The following ITPR1 variants were observed in gnomAD, a reference collection of about 807,000 sequenced individuals.
ITPR1 encodes the protein inositol 1,4,5-trisphosphate receptor type 1.
In ITPR1, 96 loss-of-function variants were observed where a neutral mutation model predicts 318.4. That is an observed-to-expected ratio of 0.30 (90% CI 0.26 to 0.36). ITPR1 has a LOEUF of 0.36. Among genes scored for constraint, ITPR1 ranks in the 10% least tolerant of loss-of-function variants. The pLI is 1.00. For missense variants in ITPR1, 2,440 were observed against 3,460.2 expected, an observed-to-expected ratio of 0.71 and a Z score of 7.40; for synonymous variants, 1,312 against 1,289.9, an observed-to-expected ratio of 1.02 and a Z score of -0.37.
intron 4 of ITPR1, among the ~76,000 whole-genome samples, chr3:4,552,894 C>G (rs573564159): frequency 6.6e-6 from 1 of 152,150 alleles, no homozygotes; most frequent in South Asian, 2.1e-4. Context: ...GGGTTGTATG[C>G]CAGGAAACAG....
intron 21 of ITPR1, 102 bp downstream of exon 21, chr3:4,673,489 T>G: frequency 8.2e-7 from 1 of 1,220,534 alleles, no homozygotes; most frequent in East Asian, 2.6e-5. Flanking sequence ...AAGTGTTGGT[T>G]TTTTCTTCAA....
At chr3:4,759,174 T>C (rs1259985889) in intron 44 of ITPR1, among the ~76,000 whole-genome samples, 1 of 152,236 alleles carries the variant, frequency 6.6e-6, no homozygotes, top group Non-Finnish European at 1.5e-5. Flanking sequence ...GTGGCTCTTG[T>C]TCCTGAAGCA....
At chr3:4,561,649 G>A (rs1187925877) in intron 4 of ITPR1, among the ~76,000 whole-genome samples, 7 of 152,140 alleles carry the variant, frequency 4.6e-5, no homozygotes, top group East Asian at 1.9e-4. Flanking sequence ...GGTGGATTTC[G>A]GATGGTGTTA....
intron 3 of ITPR1, 138 bp downstream of exon 3, chr3:4,516,721 A>G: frequency 1.5e-6 from 1 of 664,868 alleles, no homozygotes; most frequent in Admixed American, 3.2e-5. Flanking sequence ...CAAACACCAA[A>G]TCTCATGTTA....
rs1454433424 is a variant in ITPR1 at position 4,642,075 on chromosome 3, C to T, written c.367-18C>T. On this transcript the variant is annotated intron_variant, in intron 6 of 61. Transcript: ENST00000649015. ...CAGATTTGCTGACACTCACTTTATT[C>T]TCTTGGTGGGTTTTTAGCTCCTGCA... The T allele has an allele frequency of 2.6e-6, 4 of 1,560,896 alleles. No homozygotes were observed. Among genetic ancestry groups the T allele is most frequent in the Non-Finnish European group, 3.5e-6 (4 of 1,154,278 alleles).
At chr3:4,731,795 C>A (rs1023478393) in intron 42 of ITPR1, among the ~76,000 whole-genome samples, 1 of 152,154 alleles carries the variant, frequency 6.6e-6, no homozygotes, top group Non-Finnish European at 1.5e-5. Flanking sequence ...TCAGTCTGCT[C>A]CCTCCCATCT....
At chr3:4,610,867 C>G (rs1001746594) in intron 4 of ITPR1, among the ~76,000 whole-genome samples, 24 of 137,448 alleles carry the variant, frequency 1.7e-4, no homozygotes, top group African/African-American at 6.4e-4. Context: ...TTCCCTTTCC[C>G]TTTCCTTTCC....
At chr3:4,698,107 C>CA (rs11369024) in intron 34 of ITPR1, among the ~76,000 whole-genome samples, 152,311 of 152,312 alleles carry the variant, frequency 1, 76,155 homozygotes, top group Non-Finnish European at 1. Context: ...TGCCACATAA[C>CA]AAGCATACCA....
intron 10 of ITPR1, among the ~76,000 whole-genome samples, chr3:4,649,862 G>A (rs2093554475): frequency 6.6e-6 from 1 of 152,066 alleles, no homozygotes; most frequent in Admixed American, 6.5e-5. Context: ...GTTTTATAAG[G>A]GCAGTGTTCT....
At chr3:4,522,844 G>A (rs566612397) in intron 4 of ITPR1, among the ~76,000 whole-genome samples, 26 of 152,290 alleles carry the variant, frequency 1.7e-4, no homozygotes, top group South Asian at 1.7e-3. Context: ...TGATACCCTC[G>A]GAACTTAAGA....
At chr3:4,806,967 A>C (rs1028334217) in intron 55 of ITPR1, among the ~76,000 whole-genome samples, 2 of 152,162 alleles carry the variant, frequency 1.3e-5, no homozygotes, top group African/African-American at 4.8e-5. Context: ...GACAGGAAGC[A>C]TAAAACTGAC....
chr3:4,641,507 G>C (rs959579699), intron 6 of ITPR1, among the ~76,000 whole-genome samples: 1 of 152,160 alleles, frequency 6.6e-6, no homozygotes, highest in African/African-American at 2.4e-5. Flanking sequence ...CTCCTGAGTA[G>C]CAGGGACTCC....
intron 48 of ITPR1, 22 bp downstream of exon 48, chr3:4,777,396 A>G: frequency 1.4e-6 from 2 of 1,436,786 alleles, no homozygotes; most frequent in Non-Finnish European, 9.7e-7. Flanking sequence ...TTAAAAGCAG[A>G]AGACAGTCAT....
intron 4 of ITPR1, among the ~76,000 whole-genome samples, chr3:4,585,298 C>G (rs1223584259): frequency 2.6e-5 from 4 of 152,230 alleles, no homozygotes; most frequent in East Asian, 1.9e-4. Flanking sequence ...TTTGATTTAA[C>G]TGCCTTAAGT....
At chr3:4,813,019 A>G (rs1162328798) in intron 56 of ITPR1, 123 bp from the exon 57 acceptor site, 6 of 744,604 alleles carry the variant, frequency 8.1e-6, no homozygotes, top group Admixed American at 4.4e-5. Context: ...TTGAATTTAT[A>G]TGCAAGATTC....
rs34152018 is a variant in ITPR1, at chr3:4,535,442, ATT to A, written c.163+14365_163+14366del. Reference sequence around the variant, plus strand: ...AATTATTTTCTTTTTTTTTTTTTTAATTTTTTTTTTTTTTTTTTGAGACGGAG... The same window carrying A: ...AATTATTTTCTTTTTTTTTTTTTTAATTTTTTTTTTTTTTTTGAGACGGAG... On this transcript the variant is annotated intron_variant, in intron 4 of 61. Transcript: ENST00000649015. Among the ~76,000 whole-genome samples the A allele has an allele frequency of 3.8e-3, 383 of 100,968 alleles. 1 individual carries two copies. The highest frequency in any genetic ancestry group is 0.014 in the African/African-American group (370 of 26,352). The allele number at this position is 100,968 out of a possible 152,430, so 66.2% of individuals were successfully genotyped here. A position where few individuals can be genotyped will look rare whatever the true frequency, so the allele number is the denominator to read the frequency against.
intron 2 of ITPR1, among the ~76,000 whole-genome samples, chr3:4,505,232 G>A (rs555299458): frequency 2.5e-4 from 38 of 152,110 alleles, no homozygotes; most frequent in Non-Finnish European, 4.6e-4. Flanking sequence ...CTCATCTGTC[G>A]CCCAGGCTGG....
intron 44 of ITPR1, among the ~76,000 whole-genome samples, chr3:4,754,117 G>GGAGCATT (rs1010175154): frequency 1.3e-5 from 2 of 151,306 alleles, no homozygotes; most frequent in African/African-American, 4.9e-5. Context: ...TGGGAACCTC[G>GGAGCATT]GAGCATTGAG....
chr3:4,706,402 G>T (rs1200343771), intron 37 of ITPR1, 51 bp downstream of exon 37: 18 of 1,494,514 alleles, frequency 1.2e-5, no homozygotes, highest in Middle Eastern at 1.8e-4. Context: ...TCACGTGATT[G>T]CCACACACAG....
Sources: allele counts gnomAD v4.1 joint callset (sites outside exome capture counted in the v4.1 genomes callset), GRCh38; gene constraint gnomAD v4.1.1; transcripts MANE v1.5; gene names NCBI Gene and HGNC (gene_info 2026-07-23, HGNC 2026-07-21).